GRID2: variants seen among roughly 807,000 people sequenced by gnomAD.
GRID2 encodes the protein glutamate ionotropic receptor delta type subunit 2.
GRID2 carries 33 observed loss-of-function variants against 114.8 expected under a neutral mutation model. That is an observed-to-expected ratio of 0.29 (90% CI 0.22 to 0.38). The LOEUF is 0.38. Among genes scored for constraint, GRID2 ranks in the 10% least tolerant of loss-of-function variants. GRID2 has a pLI of 1.00. For missense variants in GRID2, 1,184 were observed against 1,257.7 expected (o/e 0.94, Z 0.89); for synonymous variants, 505 against 449.9 (o/e 1.12, Z -1.55).
At chr4:92,763,315 T>C (rs1738109591) in intron 2 of GRID2, among the ~76,000 whole-genome samples, 1 of 152,304 alleles carries the variant, frequency 6.6e-6, no homozygotes, top group Non-Finnish European at 1.5e-5. Context: ...AACTGAATGA[T>C]AGGACAAGGG....
chr4:93,261,076 A>T (rs1049866837), intron 8 of GRID2, among the ~76,000 whole-genome samples: 3 of 151,854 alleles, frequency 2.0e-5, no homozygotes, highest in Admixed American at 1.3e-4. Context: ...TGCATGATAT[A>T]GTATACCTAT....
rs145882540 is a variant in GRID2, at chr4:93,047,367, C to T, written c.245-37628C>T. 4.5e-3 allele frequency among the ~76,000 whole-genome samples: 678 copies of T among 152,134 alleles called. 7 individuals carry two copies. The highest frequency in any genetic ancestry group is 0.016 in the African/African-American group (658 of 41,512). ...GTCAATATTGGTTCATCAATTATAA[C>T]AAATGTATTATACTGATATAAGATG... On this transcript the variant is annotated intron_variant, in intron 2 of 15. Coordinates refer to ENST00000282020, the MANE Select transcript of GRID2 (RefSeq NM_001510.4).
intron 14 of GRID2, among the ~76,000 whole-genome samples, chr4:93,697,869 G>GTA (rs749542291): frequency 1.6e-4 from 20 of 122,700 alleles, no homozygotes; most frequent in African/African-American, 4.5e-4. Flanking sequence ...CACAATGTGT[G>GTA]TATATATATA....
intron 4 of GRID2, among the ~76,000 whole-genome samples, chr4:93,122,899 T>TG (rs1033920436): frequency 7.4e-6 from 1 of 134,428 alleles, no homozygotes; most frequent in African/African-American, 3.0e-5. Context: ...GGTTTTTTTT[T>TG]TTTTTTTTTT....
chr4:92,807,960 G>T (rs1167895307), intron 2 of GRID2, among the ~76,000 whole-genome samples: 1 of 151,870 alleles, frequency 6.6e-6, no homozygotes, highest in Non-Finnish European at 1.5e-5. Flanking sequence ...TTACCTACTT[G>T]CAAAAAGGAC....
chr4:93,646,718 C>G (rs1481154867), intron 14 of GRID2, among the ~76,000 whole-genome samples: 1 of 152,028 alleles, frequency 6.6e-6, no homozygotes, highest in Non-Finnish European at 1.5e-5. Flanking sequence ...AGGGTGATGA[C>G]TCAGTCTAGG....
intron 1 of GRID2, among the ~76,000 whole-genome samples, chr4:92,332,180 T>A (rs148494451): frequency 7.9e-5 from 12 of 152,036 alleles, no homozygotes; most frequent in African/African-American, 2.9e-4. Context: ...GAAAAAAAAA[T>A]TTACTTGGAT....
intron 4 of GRID2, among the ~76,000 whole-genome samples, chr4:93,148,532 G>T (rs1736454993): frequency 6.6e-6 from 1 of 152,006 alleles, no homozygotes; most frequent in Non-Finnish European, 1.5e-5. Flanking sequence ...AGTAAATTCT[G>T]TATTCTCAAT....
chr4:93,115,254 G>T lies in GRID2; in HGVS notation c.735+4301G>T, dbSNP rs554090109. On this transcript the variant is annotated intron_variant, in intron 4 of 15. Transcript: ENST00000282020. ...TATTTTTTATTTTAAAATTTAATTT[G>T]TATTTACTTTTAGCATATCCTGTGT... is the stretch of plus-strand genomic sequence containing the variant. Among the ~76,000 whole-genome samples the T allele has an allele frequency of 1.5e-3, 234 of 151,904 alleles. 1 individual carries two copies. The highest frequency in any genetic ancestry group is 1.4e-3 in the Non-Finnish European group (97 of 67,910).
chr4:92,849,721 C>G (rs1743618264), intron 2 of GRID2, among the ~76,000 whole-genome samples: 1 of 151,708 alleles, frequency 6.6e-6, no homozygotes, highest in South Asian at 2.1e-4. Flanking sequence ...ACATTATAAT[C>G]TCTACCTTAA....
chr4:93,223,795 A>T, intron 6 of GRID2, among the ~76,000 whole-genome samples: 1 of 152,118 alleles, frequency 6.6e-6, no homozygotes, highest in South Asian at 2.1e-4. Flanking sequence ...TTCTTTGAAA[A>T]ATAAGCACCT....
intron 14 of GRID2, among the ~76,000 whole-genome samples, chr4:93,631,178 T>G (rs1039295471): frequency 1.3e-5 from 2 of 152,126 alleles, no homozygotes; most frequent in Non-Finnish European, 2.9e-5. Flanking sequence ...GACACACACT[T>G]TTAACAAGTG....
intron 1 of GRID2, among the ~76,000 whole-genome samples, chr4:92,354,873 T>C (rs1728241534): frequency 6.6e-6 from 1 of 151,964 alleles, no homozygotes; most frequent in South Asian, 2.1e-4. Context: ...AAACTTTTCT[T>C]CTGAACTTAC....
chr4:92,553,415 G>A (rs6815704), intron 1 of GRID2, among the ~76,000 whole-genome samples: 33,804 of 151,930 alleles, frequency 0.22, 4,657 homozygotes, highest in African/African-American at 0.4. Context: ...GTTGATTTGG[G>A]TAAGTCTCTA....
chr4:93,040,786 A>C (rs1186512148), intron 2 of GRID2, among the ~76,000 whole-genome samples: 1 of 151,954 alleles, frequency 6.6e-6, no homozygotes, highest in African/African-American at 2.4e-5. Flanking sequence ...TCAATAACTC[A>C]TCTCCTTTTA....
chr4:93,796,535 T>C (rs913940764), intron 1 of GRID2, among the ~76,000 whole-genome samples: 2 of 150,758 alleles, frequency 1.3e-5, no homozygotes, highest in Non-Finnish European at 3.0e-5. Context: ...AATGTACTTC[T>C]TTTGTTTGTT....
At chr4:92,490,338 T>A (rs1326402877) in intron 1 of GRID2, among the ~76,000 whole-genome samples, 1 of 152,200 alleles carries the variant, frequency 6.6e-6, no homozygotes, top group Non-Finnish European at 1.5e-5. Context: ...TCTTTATTGA[T>A]TTGTAAAACC....
intron 1 of GRID2, among the ~76,000 whole-genome samples, chr4:92,576,617 A>G (rs536585707): frequency 6.6e-6 from 1 of 152,150 alleles, no homozygotes; most frequent in Non-Finnish European, 1.5e-5. Flanking sequence ...GGATCTCTGC[A>G]TGTGCCTGAG....
At chr4:92,581,703 C>T (rs950364665) in intron 1 of GRID2, among the ~76,000 whole-genome samples, 1 of 152,082 alleles carries the variant, frequency 6.6e-6, no homozygotes, top group Non-Finnish European at 1.5e-5. Context: ...GAAAATTTCT[C>T]TTCTTGGTCT....
Sources: gnomAD v4.1 joint callset for allele counts (sites outside exome capture counted in the v4.1 genomes callset) on GRCh38, gnomAD v4.1.1 for gene constraint, MANE v1.5 for transcripts, NCBI Gene and HGNC (gene_info 2026-07-23, HGNC 2026-07-21) for gene names.